Variants in ARHGAP24 observed in about 807,000 individuals in gnomAD.
The protein encoded by ARHGAP24 is Rho GTPase activating protein 24, also known as rho GTPase-activating protein 24.
A neutral mutation model predicts 76.4 loss-of-function variants in ARHGAP24; 50 were observed. The ratio of observed to expected loss-of-function variants is 0.65; its 90% CI spans 0.52 to 0.83. The LOEUF is 0.83. Among genes scored for constraint, ARHGAP24 ranks in the 40% least tolerant of loss-of-function variants. The probability of loss-of-function intolerance (pLI) is 0.00; values close to 1 mark genes in which losing one functional copy is unlikely to be tolerated. For missense variants in ARHGAP24, 930 were observed against 914.2 expected, an observed-to-expected ratio of 1.02 and a Z score of -0.22; for synonymous variants, 345 against 323.3, an observed-to-expected ratio of 1.07 and a Z score of -0.72.
At chr4:85,808,291 A>G (rs1222342945) in intron 3 of ARHGAP24, among the ~76,000 whole-genome samples, 1 of 152,172 alleles carries the variant, frequency 6.6e-6, no homozygotes, top group African/African-American at 2.4e-5. Flanking sequence ...ATCTAGAGAG[A>G]TGTTAACTTA....
chr4:85,655,792 TAGAGAGAGAGAGAGAGAGAGAGAG>T (rs1248907720), intron 2 of ARHGAP24, among the ~76,000 whole-genome samples: 1 of 37,702 alleles, frequency 2.7e-5, no homozygotes, highest in African/African-American at 1.6e-4. Flanking sequence ...TATATATATA[TAGAGAGAGAGAGAGAGAGAGAGAG>T]AAAGAGAGAG....
chr4:85,641,914 A>G (rs1041718086), intron 2 of ARHGAP24, among the ~76,000 whole-genome samples: 2 of 152,178 alleles, frequency 1.3e-5, no homozygotes, highest in African/African-American at 4.8e-5. Flanking sequence ...TTAGAGAGGC[A>G]TGATTGATAA....
intron 2 of ARHGAP24, among the ~76,000 whole-genome samples, chr4:85,612,886 C>T (rs1298548767): frequency 6.7e-6 from 1 of 149,798 alleles, no homozygotes; most frequent in Admixed American, 6.7e-5. Context: ...GCAGCCACAA[C>T]CTCCTGGACT....
chr4:85,695,097 AC>A (rs1295444346), intron 2 of ARHGAP24, among the ~76,000 whole-genome samples: 3 of 152,232 alleles, frequency 2.0e-5, no homozygotes, highest in Non-Finnish European at 2.9e-5. Flanking sequence ...GAATTCAAAT[AC>A]CCAGACTTCA....
In ARHGAP24 at chr4:85,919,322, C is replaced by T. The variant is rs112260746; in HGVS notation, c.269-4326C>T. Among the ~76,000 whole-genome samples, 487 of 152,308 alleles carry T rather than the reference C, an allele frequency of 3.2e-3. 3 individuals are homozygous for T. Among genetic ancestry groups the T allele is most frequent in the African/African-American group, 0.011 (473 of 41,576 alleles). ...TTTTTAAGCCCCTTCACTTGCAAGG[C>T]AGTGCCAGGCTCTTAGAACTGAGGG... On this transcript the variant is annotated intron_variant, in intron 3 of 9. Transcript: ENST00000395184.
At chr4:85,672,984 T>C (rs1322098714) in intron 2 of ARHGAP24, among the ~76,000 whole-genome samples, 11 of 152,204 alleles carry the variant, frequency 7.2e-5, no homozygotes. Context: ...TTCTTGTAGG[T>C]ATTCAACTTA....
intron 3 of ARHGAP24, among the ~76,000 whole-genome samples, chr4:85,732,978 G>A (rs1339881346): frequency 1.3e-5 from 2 of 148,414 alleles, no homozygotes; most frequent in Non-Finnish European, 1.5e-5. Context: ...AATTACAGGC[G>A]TGAGCCACCG....
intron 3 of ARHGAP24, among the ~76,000 whole-genome samples, chr4:85,900,233 ATATCAGTATTC>A (rs1038435345): frequency 2.6e-5 from 4 of 152,214 alleles, no homozygotes; most frequent in Non-Finnish European, 4.4e-5. Flanking sequence ...TCAATTATCA[ATATCAGTATTC>A]TATCAGTATA....
intron 2 of ARHGAP24, among the ~76,000 whole-genome samples, chr4:85,666,921 C>T (rs1438500492): frequency 6.6e-6 from 1 of 152,166 alleles, no homozygotes; most frequent in African/African-American, 2.4e-5. Context: ...GGGTACCTCC[C>T]AGTTAGGCTC....
chr4:85,890,500 G>C, intron 3 of ARHGAP24, among the ~76,000 whole-genome samples: 1 of 152,152 alleles, frequency 6.6e-6, no homozygotes, highest in East Asian at 1.9e-4. Flanking sequence ...TAACCACAGA[G>C]GGAAAAATCA....
At chr4:85,882,792 C>G (rs1403422675) in intron 3 of ARHGAP24, among the ~76,000 whole-genome samples, 1 of 152,080 alleles carries the variant, frequency 6.6e-6, no homozygotes, top group Non-Finnish European at 1.5e-5. Flanking sequence ...TATCTAAACC[C>G]CAGTGATTTG....
At position 85,526,869 on chromosome 4, in the gene ARHGAP24, A is replaced by G. The variant is rs6819986; in HGVS notation, c.-20-43653A>G. Among the ~76,000 whole-genome samples the G allele has an allele frequency of 4.6e-5, 7 of 152,104 alleles. No individual in the cohort carries two copies. In the East Asian group the frequency reaches 1.3e-3, roughly 29 times the overall value. Reference sequence around the variant, plus strand: ...GCTTTTTAATAATAGATGCATACGTATAATGTAGTCCTATTGTGTTGTATT... The same window carrying G: ...GCTTTTTAATAATAGATGCATACGTGTAATGTAGTCCTATTGTGTTGTATT... On this transcript the variant is annotated intron_variant, in intron 1 of 9. Transcript: ENST00000395184.
intron 1 of ARHGAP24, among the ~76,000 whole-genome samples, chr4:85,563,396 G>A (rs970777456): frequency 1.1e-4 from 16 of 152,248 alleles, no homozygotes; most frequent in Admixed American, 2.6e-4. Flanking sequence ...TCTTTTCTTG[G>A]CTTGTAGGCG....
chr4:85,503,905 T>C (rs987613277), intron 1 of ARHGAP24, among the ~76,000 whole-genome samples: 3 of 152,256 alleles, frequency 2.0e-5, no homozygotes, highest in African/African-American at 7.2e-5. Flanking sequence ...CCAGAGATTC[T>C]GGTATGTTCT....
At chr4:85,652,536 A>G (rs1438385792) in intron 2 of ARHGAP24, among the ~76,000 whole-genome samples, 1 of 152,220 alleles carries the variant, frequency 6.6e-6, no homozygotes. Flanking sequence ...AGCAAAATTG[A>G]CTTGTTCTCA....
intron 2 of ARHGAP24, among the ~76,000 whole-genome samples, chr4:85,583,737 A>G (rs1419476321): frequency 1.3e-5 from 2 of 149,826 alleles, no homozygotes; most frequent in Non-Finnish European, 3.0e-5. Context: ...AACTCAAACA[A>G]ATTTACAAGA....
intron 2 of ARHGAP24, among the ~76,000 whole-genome samples, chr4:85,586,132 C>G (rs1727849179): frequency 6.6e-6 from 1 of 152,154 alleles, no homozygotes; most frequent in Non-Finnish European, 1.5e-5. Flanking sequence ...TTTTTCCCCC[C>G]TCTCTTTCTT....
intron 1 of ARHGAP24, among the ~76,000 whole-genome samples, chr4:85,551,077 T>C (rs944519744): frequency 1.3e-5 from 2 of 152,148 alleles, no homozygotes; most frequent in African/African-American, 4.8e-5. Flanking sequence ...TGAATAGGAG[T>C]GGTGAGAGAG....
intron 2 of ARHGAP24, among the ~76,000 whole-genome samples, chr4:85,618,575 G>A (rs1318210567): frequency 6.6e-6 from 1 of 151,928 alleles, no homozygotes; most frequent in African/African-American, 2.4e-5. Context: ...TCCCATAATG[G>A]CTGTAATTTA....
Sources: gnomAD v4.1 joint callset for allele counts (sites outside exome capture counted in the v4.1 genomes callset) on GRCh38, gnomAD v4.1.1 for gene constraint, MANE v1.5 for transcripts, NCBI Gene and HGNC (gene_info 2026-07-23, HGNC 2026-07-21) for gene names.